Variants in PRMT2 observed in about 807,000 individuals in gnomAD.
PRMT2 encodes protein arginine N-methyltransferase 2.
In PRMT2, 26 loss-of-function variants were observed where a neutral mutation model predicts 57.6. The observed-to-expected ratio is 0.45, with a 90% CI of 0.33 to 0.63. The LOEUF is 0.63. PRMT2 is among the 20% of genes least tolerant of loss of function. PRMT2 has a pLI of 0.02. For missense variants in PRMT2, 472 were observed against 564.4 expected, an observed-to-expected ratio of 0.84 and a Z score of 1.66; for synonymous variants, 219 against 220.0, an observed-to-expected ratio of 1.00 and a Z score of 0.04.
In PRMT2 at chr21:46,648,688, G is replaced by A. The variant is rs771789889; in HGVS notation, c.489+69G>A. The A allele has an allele frequency of 1.6e-5, 25 of 1,571,552 alleles. No homozygotes were observed. Among genetic ancestry groups the A allele is most frequent in the Non-Finnish European group, 2.1e-5 (24 of 1,152,438 alleles). On this transcript the variant is annotated intron_variant, in intron 6 of 11. Transcript: ENST00000355680. This position sits in a 1 kb window ranked among gnomAD's most constrained non-coding sequence, Gnocchi z 4.8. ...TGGTGACGTCCGAGGTGGCCTCTGA[G>A]TGTGCTGACTTGTGACCCTGAGCTG... is the stretch of plus-strand genomic sequence containing the variant.
chr21:46,656,991 G>A (rs928641748), intron 7 of PRMT2: 20 of 152,090 alleles, frequency 1.3e-4, no homozygotes, highest in African/African-American at 4.6e-4. Flanking sequence ...ATTGAAAATG[G>A]GCAAAATACT....
chr21:46,658,692 T>TGCAGCC, intron 7 of PRMT2, 53 bp from the exon 8 acceptor site: 1 of 1,592,520 alleles, frequency 6.3e-7, no homozygotes, highest in South Asian at 1.1e-5. Context: ...GAGAGGCCTG[T>TGCAGCC]GCAGCCGCGG....
intron 5 of PRMT2, among the ~76,000 whole-genome samples, chr21:46,646,600 GT>G (rs1212649657): frequency 6.6e-6 from 1 of 152,196 alleles, no homozygotes; most frequent in Non-Finnish European, 1.5e-5. Context: ...AAAGGGTCCT[GT>G]TGATATTTGG....
At chr21:46,643,491 AAG>A (rs1491225830) in intron 3 of PRMT2, 42 bp from the exon 4 acceptor site, 3 of 1,422,154 alleles carry the variant, frequency 2.1e-6, no homozygotes, top group South Asian at 3.4e-5. Context: ...AAAAAAAAAA[AAG>A]CTCCAGCGTC....
chr21:46,639,708 T>TTGTG (rs538598625), intron 3 of PRMT2, among the ~76,000 whole-genome samples: 45 of 149,086 alleles, frequency 3.0e-4, no homozygotes, highest in Admixed American at 6.7e-4. Context: ...GTGTGTGTGT[T>TTGTG]TGTGTGTGTG....
intron 11 of PRMT2, among the ~76,000 whole-genome samples, 191 bp from the exon 12 acceptor site, chr21:46,664,104 A>G (rs1316363550): frequency 2.0e-5 from 3 of 152,050 alleles, no homozygotes; most frequent in Non-Finnish European, 4.4e-5. Flanking sequence ...ATAAAAATAA[A>G]TGGTTTTCCT....
At chr21:46,652,861 C>T in intron 7 of PRMT2, 1 of 1,300,028 alleles carries the variant, frequency 7.7e-7, no homozygotes, top group Non-Finnish European at 1.0e-6. Context: ...CAGGATCTTG[C>T]TTGTTCTCCT....
chr21:46,639,163 T>C (rs562973272), intron 3 of PRMT2, among the ~76,000 whole-genome samples: 15 of 152,216 alleles, frequency 9.9e-5, no homozygotes, highest in Admixed American at 2.0e-4. Context: ...AATTTTACTT[T>C]TTCTTATTTA....
rs562721843 is a variant in PRMT2 at position 46,643,809 on chromosome 21, T to C, written c.144+170T>C. On this transcript the variant is annotated intron_variant, in intron 4 of 11. Transcript: ENST00000355680. ...AGCCCAGCCAGTTCTGCCTCAAGCA[T>C]GATGTAAAGATACGAGGCATGGAGT... Among the ~76,000 whole-genome samples the C allele has an allele frequency of 1.6e-4, 25 of 152,226 alleles. No homozygotes were observed. The East Asian group carries it at 4.8e-3, about 29-fold the overall frequency.
chr21:46,662,822 C>A (rs543442800), intron 10 of PRMT2, among the ~76,000 whole-genome samples: 1 of 152,278 alleles, frequency 6.6e-6, no homozygotes, highest in African/African-American at 2.4e-5. Context: ...TATTTCCCCC[C>A]AAATGTGACA....
Position 46,658,778 on chromosome 21 carries a change from CGGGATGCCT to C in PRMT2, c.691_699del (p.Asp231_Trp233del). The C allele has an allele frequency of 6.2e-7, 1 of 1,614,160 alleles. No homozygotes were observed. On this transcript the variant is annotated inframe_deletion, in exon 8 of 12. Transcript: ENST00000355680. ...CATGATCGAGTCCATCCTGTATGCC[CGGGATGCCT>C]GGCTGAAGGAGGACGGGGTCATTTG...
intron 7 of PRMT2, among the ~76,000 whole-genome samples, chr21:46,651,290 C>T (rs553753312): frequency 6.6e-6 from 1 of 152,256 alleles, no homozygotes; most frequent in African/African-American, 2.4e-5. Flanking sequence ...GACGGTGCCT[C>T]CCAGCCCTGA....
intron 7 of PRMT2, chr21:46,652,385 A>G: frequency 1.8e-6 from 2 of 1,081,748 alleles, no homozygotes; most frequent in Non-Finnish European, 1.1e-6. Flanking sequence ...AATTGCAGCT[A>G]AAGAATTGTG....
At chr21:46,637,028 T>C (rs750872005) in intron 3 of PRMT2, 38 bp downstream of exon 3, 2 of 1,607,318 alleles carry the variant, frequency 1.2e-6, no homozygotes, top group East Asian at 4.5e-5. Flanking sequence ...CTGTGTTTAA[T>C]GAATGTGAGC....
intron 8 of PRMT2, chr21:46,660,046 G>C: frequency 3.1e-6 from 3 of 983,046 alleles, no homozygotes; most frequent in Non-Finnish European, 3.6e-6. Context: ...CTTTATACTT[G>C]TCCATAGTTT....
chr21:46,652,832 G>A lies in PRMT2; in HGVS notation c.654+3093G>A, dbSNP rs1398584709. On this transcript the variant is annotated intron_variant, in intron 7 of 11. Transcript: ENST00000355680. ...GCAGGTGACAATTGAGCCCTAATTT[G>A]CGTTATCATTAGTTGTTACAGGATC... 4 of 1,279,488 alleles carry A rather than the reference G, an allele frequency of 3.1e-6. No individual in the cohort carries two copies. The African/African-American group carries it at 4.6e-5, about 15-fold the overall frequency. The allele number at this position is 1,279,488 out of a possible 1,614,324, so 79.3% of individuals were successfully genotyped here.
At chr21:46,658,551 G>C in intron 7 of PRMT2, 194 bp from the exon 8 acceptor site, 1 of 919,960 alleles carries the variant, frequency 1.1e-6, no homozygotes, top group South Asian at 2.0e-5. Context: ...CAGGCTGTGA[G>C]ATGCATCAGT....
chr21:46,651,372 G>T (rs1011313313), intron 7 of PRMT2, among the ~76,000 whole-genome samples: 8 of 152,116 alleles, frequency 5.3e-5, no homozygotes, highest in African/African-American at 1.9e-4. Context: ...GTGGACATCT[G>T]TGTGGGTCTT....
chr21:46,655,033 G>A (rs2061521792), intron 7 of PRMT2: 3 of 460,174 alleles, frequency 6.5e-6, no homozygotes, highest in Non-Finnish European at 8.6e-6. Context: ...TAGATAACCT[G>A]AATGGTCCAA....
Sources: gnomAD v4.1 joint callset for allele counts (sites outside exome capture counted in the v4.1 genomes callset) on GRCh38, gnomAD v4.1.1 for gene constraint, Gnocchi (gnomAD v3.1) non-coding constraint, MANE v1.5 for transcripts, NCBI Gene and HGNC (gene_info 2026-07-23, HGNC 2026-07-21) for gene names.